The following SH3TC2 variants were observed in gnomAD, a reference collection of about 807,000 sequenced individuals.
SH3TC2 encodes the protein SH3 domain and tetratricopeptide repeats 2.
A neutral mutation model predicts 124.5 loss-of-function variants in SH3TC2; 87 were observed. The observed-to-expected ratio is 0.70, with a 90% CI of 0.59 to 0.84. The LOEUF is 0.84. Among genes scored for constraint, SH3TC2 ranks in the 40% least tolerant of loss-of-function variants. The pLI is 0.00. For missense variants in SH3TC2, 1,536 were observed against 1,566.4 expected (o/e 0.98, Z 0.33); for synonymous variants, 634 against 628.5 (o/e 1.01, Z -0.13).
rs1753437666 is a variant in SH3TC2 at position 148,992,604 on chromosome 5, T to TTG, written c.*12106_*12107insCA. On this transcript the variant is annotated 3_prime_UTR_variant, in exon 17 of 17. Transcript: ENST00000515425. ...TTCCAAGAAGAGATTTCATTGGTTT[T>TTG]TTTTTTTTTTTTTTTTTTCAGATTT... 2.0e-5 allele frequency among the ~76,000 whole-genome samples: 1 copy of TTG among 51,262 alleles called. No homozygotes were observed. Among genetic ancestry groups the TTG allele is most frequent in the Non-Finnish European group, 3.6e-5 (1 of 27,832 alleles). 33.6% of individuals were successfully genotyped at this position (51,262 alleles called of 152,430 possible). A position where few individuals can be genotyped will look rare whatever the true frequency, so the allele number is the denominator to read the frequency against.
At chr5:149,038,233 G>C (rs757645691) in intron 8 of SH3TC2, 62 bp downstream of exon 8, 14 of 1,561,154 alleles carry the variant, frequency 9.0e-6, no homozygotes, top group African/African-American at 1.4e-5. Context: ...TCTGCTCAAA[G>C]AGGGGAGGGA....
In SH3TC2 at chr5:148,994,371, C is replaced by A. The variant is rs1040809347; in HGVS notation, c.*10340G>T. Among the ~76,000 whole-genome samples the A allele has an allele frequency of 6.6e-6, 1 of 152,088 alleles. No homozygotes were observed. The highest frequency in any genetic ancestry group is 6.6e-5 in the Admixed American group (1 of 15,260). On this transcript the variant is annotated 3_prime_UTR_variant, in exon 17 of 17. Coordinates refer to ENST00000515425, the MANE Select transcript of SH3TC2 (RefSeq NM_024577.4). The stretch of plus-strand genomic sequence containing the variant: ...AGTCAATGATATAATAAGAGTATAA[C>A]CTTTAGTACAGTGTTTGAGGTAAAA...
Position 148,984,907 on chromosome 5 carries a change from C to T in SH3TC2, c.*19804G>A, listed in dbSNP as rs1455668425. 6.6e-6 allele frequency among the ~76,000 whole-genome samples: 1 copy of T among 152,082 alleles called. No homozygotes were observed. The highest frequency in any genetic ancestry group is 2.4e-5 in the African/African-American group (1 of 41,404). On this transcript the variant is annotated 3_prime_UTR_variant, in exon 17 of 17. Transcript: ENST00000515425. ...CAAAGTGAGCAATGATGCCAAAAAG[C>T]ATAATGGGTTATAGAGGTACCATTT...
At chr5:149,048,942 T>C (rs1374986403) in intron 2 of SH3TC2, among the ~76,000 whole-genome samples, 3 of 152,172 alleles carry the variant, frequency 2.0e-5, no homozygotes, top group African/African-American at 7.2e-5. Flanking sequence ...CACAATAAAC[T>C]GAGAAGGCGT....
Position 149,026,734 on chromosome 5 carries a change from T to A in SH3TC2, c.2891A>T (p.Lys964Ile). The A allele has an allele frequency of 6.2e-7, 1 of 1,614,190 alleles. No individual in the cohort carries two copies. Among genetic ancestry groups the A allele is most frequent in the South Asian group, 1.1e-5 (1 of 91,084 alleles). The change falls in exon 12 of 17, where the codon AAA becomes ATA. Residue 964 changes from lysine (K) to isoleucine (I), a missense_variant. Lys to Ile is a moderately radical substitution (Grantham distance 102). Around this residue, in one of 3 missense-constraint regions of SH3TC2, gnomAD observed 426 missense variants for 443.5 expected, o/e 0.96. Coordinates refer to ENST00000515425, the MANE Select transcript of SH3TC2 (RefSeq NM_024577.4). Reference protein sequence around the residue: ...RHLKSQLQATKSLCHFYSSVS... With the variant: ...RHLKSQLQATISLCHFYSSVS... Reference sequence around the variant, plus strand: ...AGAGCTGTAGAAATGGCAGAGGGATTTGGTGGCCTGAAGCTGACCTGAACA... The same window carrying A: ...AGAGCTGTAGAAATGGCAGAGGGATATGGTGGCCTGAAGCTGACCTGAACA...
At chr5:149,029,645 G>A (rs146495165) in intron 9 of SH3TC2, among the ~76,000 whole-genome samples, 61 of 152,248 alleles carry the variant, frequency 4.0e-4, no homozygotes, top group African/African-American at 1.4e-3. Context: ...CAGTGAGGGA[G>A]ACTGAAAAGG....
Position 148,982,869 on chromosome 5 carries a change from A to G in SH3TC2, c.*21842T>C, listed in dbSNP as rs1753272748. 6.6e-6 allele frequency among the ~76,000 whole-genome samples: 1 copy of G among 152,274 alleles called. No individual in the cohort carries two copies. Among genetic ancestry groups the G allele is most frequent in the South Asian group, 2.1e-4 (1 of 4,834 alleles). On this transcript the variant is annotated 3_prime_UTR_variant, in exon 17 of 17. Transcript: ENST00000515425. ...TTACTTAAAAATACTTTTAAAATAA[A>G]AAATGAGCTGTTTTAACACCAGTGG...
intron 6 of SH3TC2, among the ~76,000 whole-genome samples, chr5:149,041,133 C>T (rs974753872): frequency 1.3e-5 from 2 of 152,182 alleles, no homozygotes; most frequent in Non-Finnish European, 2.9e-5. Flanking sequence ...GACAAGTGGT[C>T]CCCAGTCCAT....
rs1415354942 is a variant in SH3TC2 at position 148,986,254 on chromosome 5, GC to G, written c.*18456del. Reference sequence around the variant, plus strand: ...AAAAAAATGTATCTGAAATCAGAAAGCAATTAAATATTGTGCTAATTAAAAA... The same window carrying G: ...AAAAAAATGTATCTGAAATCAGAAAGAATTAAATATTGTGCTAATTAAAAA... On this transcript the variant is annotated 3_prime_UTR_variant, in exon 17 of 17. Transcript: ENST00000515425. 6.6e-6 allele frequency among the ~76,000 whole-genome samples: 1 copy of G among 152,184 alleles called. No individual in the cohort carries two copies. Among genetic ancestry groups the G allele is most frequent in the Non-Finnish European group, 1.5e-5 (1 of 68,024 alleles).
rs566597728 is a variant in SH3TC2 at position 148,998,888 on chromosome 5, C to T, written c.*5823G>A. Among the ~76,000 whole-genome samples, 1 of 152,280 alleles carries T rather than the reference C, an allele frequency of 6.6e-6. No homozygotes were observed. The highest frequency in any genetic ancestry group is 2.4e-5 in the African/African-American group (1 of 41,562). ...GGGGGTACATATCAGGAAATATATG[C>T]TGTCCCACCGAAGAGGGAAGACCGC... On this transcript the variant is annotated 3_prime_UTR_variant, in exon 17 of 17. Coordinates refer to ENST00000515425, the MANE Select transcript of SH3TC2 (RefSeq NM_024577.4).
intron 8 of SH3TC2, among the ~76,000 whole-genome samples, chr5:149,037,985 G>A (rs1466078413): frequency 6.6e-6 from 1 of 152,180 alleles, no homozygotes; most frequent in Non-Finnish European, 1.5e-5. Flanking sequence ...CCTGTGGTTA[G>A]ACAGTGTGGG....
rs1054000517 is a variant in SH3TC2, at chr5:148,997,457, T to A, written c.*7254A>T. ...TTTTCTAGGCTAAGTTACCTGACTG[T>A]GGTCAACAATAACACCAGTATTTCT... On this transcript the variant is annotated 3_prime_UTR_variant, in exon 17 of 17. Coordinates refer to ENST00000515425, the MANE Select transcript of SH3TC2 (RefSeq NM_024577.4). Among the ~76,000 whole-genome samples, 8 of 152,264 alleles carry A rather than the reference T, an allele frequency of 5.3e-5. No individual in the cohort carries two copies. The highest frequency in any genetic ancestry group is 1.2e-4 in the Non-Finnish European group (8 of 68,046).
intron 12 of SH3TC2, among the ~76,000 whole-genome samples, chr5:149,017,100 A>C (rs1753888129): frequency 6.6e-6 from 1 of 152,148 alleles, no homozygotes; most frequent in South Asian, 2.1e-4. Context: ...AATTTATACG[A>C]TAACTTTAGT....
chr5:149,024,468 A>G (rs1025075082), intron 12 of SH3TC2, among the ~76,000 whole-genome samples: 9 of 152,192 alleles, frequency 5.9e-5, no homozygotes, highest in African/African-American at 2.2e-4. Context: ...TGCACCAAAA[A>G]TTCAATACAC....
chr5:149,042,629 A>T, intron 5 of SH3TC2, 65 bp downstream of exon 5: 1 of 1,601,204 alleles, frequency 6.2e-7, no homozygotes, highest in Non-Finnish European at 8.6e-7. Flanking sequence ...CATCCTGCTT[A>T]TTTCATGGCC....
intron 8 of SH3TC2, among the ~76,000 whole-genome samples, chr5:149,037,380 C>T (rs1398041080): frequency 1.3e-5 from 2 of 150,030 alleles, no homozygotes; most frequent in African/African-American, 5.0e-5. Flanking sequence ...GTTATTTGGA[C>T]TCCCACATTT....
rs556627946 is a variant in SH3TC2 at position 149,030,414 on chromosome 5, A to G, written c.1135+1140T>C. 5.9e-5 allele frequency among the ~76,000 whole-genome samples: 9 copies of G among 152,306 alleles called. No homozygotes were observed. In the South Asian group the frequency reaches 1.9e-3, roughly 32 times the overall value. On this transcript the variant is annotated intron_variant, in intron 9 of 16. Transcript: ENST00000515425. ...CAAGTGCTGTCTGGGGCCTCCTCTTACATCCTCCCCACCACTGGACCAACA... is the reference window on the plus strand; with the variant it reads ...CAAGTGCTGTCTGGGGCCTCCTCTTGCATCCTCCCCACCACTGGACCAACA...
Position 148,991,060 on chromosome 5 carries a change from T to C in SH3TC2, c.*13651A>G, listed in dbSNP as rs1359249733. The stretch of plus-strand genomic sequence containing the variant: ...CACTTGTTGAACATCTGTTGACACT[T>C]TCCAGGGGACTTTCAAAACCCCAAT... On this transcript the variant is annotated 3_prime_UTR_variant, in exon 17 of 17. Coordinates refer to ENST00000515425, the MANE Select transcript of SH3TC2 (RefSeq NM_024577.4). Among the ~76,000 whole-genome samples the C allele has an allele frequency of 2.0e-5, 3 of 152,146 alleles. No homozygotes were observed. Among genetic ancestry groups the C allele is most frequent in the Admixed American group, 2.0e-4 (3 of 15,274 alleles).
At chr5:149,023,041 TA>T (rs1421920046) in intron 12 of SH3TC2, among the ~76,000 whole-genome samples, 1 of 152,250 alleles carries the variant, frequency 6.6e-6, no homozygotes, top group Non-Finnish European at 1.5e-5. Context: ...GGTGTGTAAT[TA>T]AACCTCAATA....
Sources: allele counts gnomAD v4.1 joint callset (sites outside exome capture counted in the v4.1 genomes callset), GRCh38; gene constraint gnomAD v4.1.1; regional missense constraint gnomAD v4.1.1; transcripts MANE v1.5; gene names NCBI Gene and HGNC (gene_info 2026-07-23, HGNC 2026-07-21).